SOX5: variants seen among roughly 807,000 people sequenced by gnomAD.
The protein encoded by SOX5 is transcription factor SOX-5.
A neutral mutation model predicts 92.0 loss-of-function variants in SOX5; 9 were observed. That is an observed-to-expected ratio of 0.10 (90% confidence interval 0.06 to 0.17). SOX5 has a LOEUF of 0.17. SOX5 is among the 10% of genes least tolerant of loss of function. The probability of loss-of-function intolerance (pLI) is 1.00; values close to 1 mark genes in which losing one functional copy is unlikely to be tolerated. For synonymous variants in SOX5, 344 were observed against 336.3 expected, an observed-to-expected ratio of 1.02 and a Z score of -0.25; for missense variants, 642 against 944.5, an observed-to-expected ratio of 0.68 and a Z score of 4.20.
intron 1 of SOX5, among the ~76,000 whole-genome samples, chr12:24,521,034 A>G (rs1950216365): frequency 6.6e-6 from 1 of 152,136 alleles, no homozygotes; most frequent in Non-Finnish European, 1.5e-5. Context: ...GAAGAAATTG[A>G]CAGTAATAAA....
intron 4 of SOX5, among the ~76,000 whole-genome samples, chr12:24,014,911 C>T (rs1953406198): frequency 6.6e-6 from 1 of 152,100 alleles, no homozygotes; most frequent in South Asian, 2.1e-4. Flanking sequence ...AGAGGTAAAA[C>T]TGCTGGCTTT....
intron 12 of SOX5, 108 bp from the exon 13 acceptor site, chr12:23,543,492 T>A: frequency 1.3e-6 from 1 of 784,306 alleles, no homozygotes; most frequent in Admixed American, 2.5e-5. Context: ...AAAAAGTACT[T>A]CTGATAATGG....
intron 1 of SOX5, among the ~76,000 whole-genome samples, chr12:24,499,813 T>C (rs528400729): frequency 6.6e-6 from 1 of 151,684 alleles, no homozygotes; most frequent in East Asian, 1.9e-4. Flanking sequence ...AGAAGAACTA[T>C]GAACTTAGTG....
intron 4 of SOX5, among the ~76,000 whole-genome samples, chr12:23,997,087 A>G (rs1039235130): frequency 6.6e-6 from 1 of 152,178 alleles, no homozygotes; most frequent in Middle Eastern, 3.2e-3. Flanking sequence ...AAAAACAACC[A>G]TTTCAGATCT....
intron 4 of SOX5, among the ~76,000 whole-genome samples, chr12:24,030,791 T>C (rs1393238597): frequency 6.6e-6 from 1 of 151,942 alleles, no homozygotes; most frequent in Non-Finnish European, 1.5e-5. Context: ...GCAAATCCTA[T>C]ATCTGATAAG....
intron 1 of SOX5, among the ~76,000 whole-genome samples, chr12:24,408,660 C>T (rs1051301999): frequency 3.3e-5 from 5 of 152,152 alleles, no homozygotes; most frequent in Admixed American, 1.3e-4. Context: ...TCTAAAGATT[C>T]GTCTAGGTTC....
At chr12:24,424,276 A>G (rs1966375107) in intron 1 of SOX5, among the ~76,000 whole-genome samples, 3 of 152,182 alleles carry the variant, frequency 2.0e-5, no homozygotes, top group Admixed American at 1.3e-4. Flanking sequence ...TTGCATAGTA[A>G]TAACCCAATT....
chr12:24,367,037 A>T (rs1231930708), intron 2 of SOX5, among the ~76,000 whole-genome samples: 2 of 152,172 alleles, frequency 1.3e-5, no homozygotes, highest in African/African-American at 4.8e-5. Flanking sequence ...GATTTTGCTT[A>T]GACACATATA....
chr12:24,031,216 C>T (rs60511290), intron 4 of SOX5, among the ~76,000 whole-genome samples: 22,226 of 110,110 alleles, frequency 0.2, 2,348 homozygotes, highest in African/African-American at 0.38. Flanking sequence ...TATATATATA[C>T]ACAAAGGAAA....
intron 3 of SOX5, among the ~76,000 whole-genome samples, chr12:24,269,110 AT>A (rs1227192334): frequency 6.6e-6 from 1 of 152,180 alleles, no homozygotes. Context: ...AATTTACAGT[AT>A]ATTGGGATTA....
rs911909393 is a variant in SOX5, at chr12:23,875,754, A to G, written c.270+20039T>C. On this transcript the variant is annotated intron_variant, in intron 2 of 14. Transcript: ENST00000451604. Reference sequence around the variant, plus strand: ...ACTATTACTCTATTAACTACTTACAAGAACTGTTTAAGCAGTGGATGCTGA... The same window carrying G: ...ACTATTACTCTATTAACTACTTACAGGAACTGTTTAAGCAGTGGATGCTGA... 2.6e-5 allele frequency among the ~76,000 whole-genome samples: 4 copies of G among 152,356 alleles called. No homozygotes were observed. In the East Asian group the frequency reaches 5.8e-4, roughly 22 times the overall value.
At chr12:24,080,996 T>C (rs1943261844) in intron 4 of SOX5, among the ~76,000 whole-genome samples, 1 of 152,014 alleles carries the variant, frequency 6.6e-6, no homozygotes, top group East Asian at 1.9e-4. Flanking sequence ...TAGCCTGCTC[T>C]CTGTAATTAT....
At chr12:23,675,099 A>C (rs2085450530) in intron 6 of SOX5, among the ~76,000 whole-genome samples, 1 of 152,210 alleles carries the variant, frequency 6.6e-6, no homozygotes, top group African/African-American at 2.4e-5. Context: ...ATTTTCATAA[A>C]AAGTATGTGA....
intron 3 of SOX5, among the ~76,000 whole-genome samples, chr12:23,824,577 G>A (rs992251931): frequency 1.3e-5 from 2 of 152,192 alleles, no homozygotes; most frequent in Non-Finnish European, 2.9e-5. Context: ...TCCCCGTCAG[G>A]AGGCACAGGT....
intron 4 of SOX5, among the ~76,000 whole-genome samples, chr12:24,124,518 TC>T (rs1948918759): frequency 1.3e-5 from 2 of 149,030 alleles, no homozygotes; most frequent in Non-Finnish European, 3.0e-5. Flanking sequence ...AAAATTACCT[TC>T]CATTATGCAA....
At chr12:24,132,298 C>G (rs959731679) in intron 4 of SOX5, among the ~76,000 whole-genome samples, 1 of 152,144 alleles carries the variant, frequency 6.6e-6, no homozygotes, top group Non-Finnish European at 1.5e-5. Flanking sequence ...GTAAGTAAAT[C>G]ATTCGAACAC....
intron 4 of SOX5, among the ~76,000 whole-genome samples, chr12:23,973,645 C>G (rs115590313): frequency 1.3e-5 from 2 of 152,286 alleles, no homozygotes; most frequent in African/African-American, 4.8e-5. Context: ...ATGCCTGAAA[C>G]GTCTGATATA....
At position 24,313,112 on chromosome 12, in the gene SOX5, C is replaced by G. The variant is rs372534376; in HGVS notation, c.-173-35800G>C. Among the ~76,000 whole-genome samples, 7 of 152,168 alleles carry G rather than the reference C, an allele frequency of 4.6e-5. No homozygotes were observed. In the East Asian group the frequency reaches 1.2e-3, roughly 25 times the overall value. On this transcript the variant is annotated intron_variant, in intron 2 of 4. Transcript: ENST00000446891. ...AGAAGTTACATGCTCACTGGGCTTT[C>G]TTACTACTTTGAAGTGTGTATTTGC...
intron 1 of SOX5, among the ~76,000 whole-genome samples, chr12:24,386,208 T>A (rs1958396159): frequency 6.6e-6 from 1 of 152,162 alleles, no homozygotes; most frequent in Non-Finnish European, 1.5e-5. Flanking sequence ...TTGACAATGT[T>A]AAGTGAGGAT....
Sources: allele counts gnomAD v4.1 joint callset (sites outside exome capture counted in the v4.1 genomes callset), GRCh38; gene constraint gnomAD v4.1.1; transcripts MANE v1.5; gene names NCBI Gene and HGNC (gene_info 2026-07-23, HGNC 2026-07-21).